The following ELF1 variants were observed in gnomAD, a reference collection of about 807,000 sequenced individuals.
The protein encoded by ELF1 is ETS-related transcription factor Elf-1.
In ELF1, 24 loss-of-function variants were observed where a neutral mutation model predicts 59.9. The ratio of observed to expected loss-of-function variants is 0.40; its 90% CI spans 0.29 to 0.56. ELF1 has a LOEUF of 0.56. ELF1 is among the 20% of genes least tolerant of loss of function. The pLI, the probability that ELF1 is intolerant of heterozygous loss-of-function variation, is 0.44. For synonymous variants in ELF1, 248 were observed against 266.2 expected (o/e 0.93, Z 0.67); for missense variants, 627 against 742.2 (o/e 0.84, Z 1.80).
intron 1 of ELF1, among the ~76,000 whole-genome samples, chr13:40,983,302 C>T (rs1454764175): frequency 1.3e-5 from 2 of 152,082 alleles, no homozygotes; most frequent in African/African-American, 2.4e-5. Flanking sequence ...GAAAGGATGG[C>T]CAGTAATTTC....
At chr13:41,015,979 C>T (rs980996317) in intron 1 of ELF1, among the ~76,000 whole-genome samples, 4 of 152,172 alleles carry the variant, frequency 2.6e-5, no homozygotes, top group Non-Finnish European at 4.4e-5. Context: ...TTCTTATTGA[C>T]GAAGACACTC....
chr13:40,950,665 G>C (rs1870794197), intron 4 of ELF1, among the ~76,000 whole-genome samples: 1 of 152,142 alleles, frequency 6.6e-6, no homozygotes, highest in Middle Eastern at 3.2e-3. Context: ...ACTGCTACTA[G>C]AGCAATTCGC....
At position 40,933,542 on chromosome 13, in the gene ELF1, G is replaced by C. The variant is rs139235167; in HGVS notation, c.1743C>G (p.Asn581Lys). 6.2e-6 allele frequency: 10 copies of C among 1,614,200 alleles called. No homozygotes were observed. In the South Asian group the frequency reaches 9.9e-5, roughly 16 times the overall value. Reference sequence around the variant, plus strand: ...GTGGCTGCTGCTCCGTTTTCTCAGTGTTCTCTTTCAAATGATCTTCAGATT... The same window carrying C: ...GTGGCTGCTGCTCCGTTTTCTCAGTCTTCTCTTTCAAATGATCTTCAGATT... The part of the protein sequence containing the change: ...KKESEDHLKE[N>K]TEKTEQQPQP... Residue 581 changes from asparagine to lysine, a missense_variant, in exon 9 of 9, where the codon AAC (asparagine) becomes AAG (lysine). By Grantham distance (94) the Asn-to-Lys change is moderately conservative. Transcript: ENST00000239882.
chr13:41,043,818 GT>G, intron 1 of ELF1, among the ~76,000 whole-genome samples: 1 of 152,272 alleles, frequency 6.6e-6, no homozygotes, highest in Admixed American at 6.5e-5. Flanking sequence ...CTTTAAAGTA[GT>G]TTTTTCCAAT....
At chr13:40,992,111 A>C (rs1481203462) in intron 1 of ELF1, among the ~76,000 whole-genome samples, 1 of 152,240 alleles carries the variant, frequency 6.6e-6, no homozygotes, top group African/African-American at 2.4e-5. Flanking sequence ...GTCACATTTT[A>C]TTCTTTCCAC....
chr13:40,985,016 C>A (rs1310487920), intron 1 of ELF1, among the ~76,000 whole-genome samples: 3 of 152,188 alleles, frequency 2.0e-5, no homozygotes, highest in Non-Finnish European at 4.4e-5. Context: ...GAAATGGCTC[C>A]CCACAATCAC....
chr13:40,975,058 A>G (rs1872818289), intron 2 of ELF1, among the ~76,000 whole-genome samples: 1 of 152,240 alleles, frequency 6.6e-6, no homozygotes, highest in Non-Finnish European at 1.5e-5. Flanking sequence ...GTTTGATATG[A>G]CAAGATTTAA....
chr13:41,032,355 T>C (rs554800032), intron 1 of ELF1, among the ~76,000 whole-genome samples: 32 of 151,826 alleles, frequency 2.1e-4, no homozygotes, highest in African/African-American at 7.5e-4. Flanking sequence ...GTAGCTGGGA[T>C]TACAGGCATG....
chr13:40,945,414 C>T (rs1870443634), intron 5 of ELF1, among the ~76,000 whole-genome samples: 1 of 152,144 alleles, frequency 6.6e-6, no homozygotes, highest in African/African-American at 2.4e-5. Flanking sequence ...TCCAGCCTCT[C>T]CTGAGAGCTT....
intron 1 of ELF1, among the ~76,000 whole-genome samples, chr13:41,042,285 G>C (rs1175605222): frequency 1.3e-5 from 2 of 151,452 alleles, no homozygotes; most frequent in East Asian, 1.9e-4. Flanking sequence ...AAGTGCTGGG[G>C]TTACAGCTTT....
intron 1 of ELF1, among the ~76,000 whole-genome samples, chr13:40,985,490 G>A (rs1873504297): frequency 6.6e-6 from 1 of 152,114 alleles, no homozygotes. Flanking sequence ...ATATACAGCT[G>A]GGCCTCTAAA....
intron 1 of ELF1, among the ~76,000 whole-genome samples, chr13:40,982,663 A>G (rs1332437568): frequency 2.6e-5 from 4 of 152,122 alleles, no homozygotes; most frequent in Non-Finnish European, 4.4e-5. Flanking sequence ...CATACATAGA[A>G]ACTGCTACCC....
Position 40,970,516 on chromosome 13 carries a change from T to C in ELF1, c.72+11467A>G, listed in dbSNP as rs74045929. On this transcript the variant is annotated intron_variant, in intron 2 of 8. Coordinates refer to ENST00000239882, the MANE Select transcript of ELF1 (RefSeq NM_172373.4). ...AACTACAAAGAGCTGTACAAGATGTTAGGCAGTGTTATCTTTACATTGTAT... is the reference window on the plus strand; with the variant it reads ...AACTACAAAGAGCTGTACAAGATGTCAGGCAGTGTTATCTTTACATTGTAT... Among the ~76,000 whole-genome samples the C allele has an allele frequency of 9.9e-3, 1,509 of 152,344 alleles. 24 individuals carry two copies. The highest frequency in any genetic ancestry group is 0.035 in the African/African-American group (1,437 of 41,578).
chr13:40,936,429 C>A (rs555484875), intron 8 of ELF1, among the ~76,000 whole-genome samples: 22 of 152,160 alleles, frequency 1.4e-4, no homozygotes, highest in Non-Finnish European at 3.1e-4. Context: ...ACCACTAGGA[C>A]TTCGCTGCTT....
chr13:40,940,386 GAAAAAAAAAAAAAAAA>G (rs375400990), intron 8 of ELF1, among the ~76,000 whole-genome samples: 7 of 109,874 alleles, frequency 6.4e-5, no homozygotes, highest in African/African-American at 2.9e-4. Flanking sequence ...TGATTTAACT[GAAAAAAAAAAAAAAAA>G]AAAAAAAAAA....
Position 40,959,595 on chromosome 13 carries a change from CAAT to C in ELF1, c.73-582_73-580del, listed in dbSNP as rs1871683760. On this transcript the variant is annotated intron_variant, in intron 2 of 8. Coordinates refer to ENST00000239882, the MANE Select transcript of ELF1 (RefSeq NM_172373.4). ...ATAAAATGTTAATTAAATCAAATCTCAATAAAAGTTTTTTGGCAAAACAAAAAA... is the reference window on the plus strand; with the variant it reads ...ATAAAATGTTAATTAAATCAAATCTCAAAAGTTTTTTGGCAAAACAAAAAA... Among the ~76,000 whole-genome samples the C allele has an allele frequency of 2.0e-5, 3 of 152,104 alleles. No homozygotes were observed. In the South Asian group the frequency reaches 6.2e-4, roughly 32 times the overall value.
upstream of ELF1, among the ~76,000 whole-genome samples, chr13:41,021,024 T>C (rs1304925451): frequency 6.6e-6 from 1 of 152,214 alleles, no homozygotes; most frequent in Non-Finnish European, 1.5e-5. Context: ...TATTCAGATA[T>C]GAAGCCATTA....
intron 1 of ELF1, among the ~76,000 whole-genome samples, chr13:41,059,707 T>G (rs1877425439): frequency 6.6e-6 from 1 of 152,326 alleles, no homozygotes; most frequent in African/African-American, 2.4e-5. Context: ...CATTTACAGC[T>G]CACATGCTGC....
intron 1 of ELF1, among the ~76,000 whole-genome samples, chr13:41,058,209 G>C (rs766200893): frequency 1.3e-5 from 2 of 152,154 alleles, no homozygotes; most frequent in Non-Finnish European, 1.5e-5. Flanking sequence ...CTGTTACCTA[G>C]TCAAAATTTA....
Sources: allele counts gnomAD v4.1 joint callset (sites outside exome capture counted in the v4.1 genomes callset), GRCh38; gene constraint gnomAD v4.1.1; transcripts MANE v1.5; gene names NCBI Gene and HGNC (gene_info 2026-07-23, HGNC 2026-07-21).